The following SLC9C1 variants were observed in gnomAD, a reference collection of about 807,000 sequenced individuals.
The protein encoded by SLC9C1 is solute carrier family 9 member C1, also known as sodium/hydrogen exchanger 10.
SLC9C1 carries 97 observed loss-of-function variants against 140.9 expected under a neutral mutation model. The ratio of observed to expected loss-of-function variants is 0.69; its 90% CI spans 0.58 to 0.82. The LOEUF (loss-of-function observed/expected upper bound fraction) is 0.82, where lower values mean the gene tolerates loss of function less well. SLC9C1 is among the 40% of genes least tolerant of loss of function. The pLI, the probability that SLC9C1 is intolerant of heterozygous loss-of-function variation, is 0.00. For synonymous variants in SLC9C1, 440 were observed against 442.6 expected (o/e 0.99, Z 0.07); for missense variants, 1,340 against 1,389.3 (o/e 0.96, Z 0.56).
chr3:112,152,517 C>T (rs552118266), intron 27 of SLC9C1, among the ~76,000 whole-genome samples: 2 of 152,018 alleles, frequency 1.3e-5, no homozygotes, highest in South Asian at 4.2e-4. Flanking sequence ...AGATGCCTTC[C>T]TCTGATCTCA....
intron 23 of SLC9C1, among the ~76,000 whole-genome samples, chr3:112,174,504 G>A (rs2077300533): frequency 6.6e-6 from 1 of 152,160 alleles, no homozygotes; most frequent in South Asian, 2.1e-4. Flanking sequence ...GAGGGAGCGG[G>A]GGTGCAGTTG....
At chr3:112,228,382 A>G (rs1160150100) in intron 13 of SLC9C1, among the ~76,000 whole-genome samples, 1 of 152,116 alleles carries the variant, frequency 6.6e-6, no homozygotes, top group Non-Finnish European at 1.5e-5. Flanking sequence ...TCTCCTTTAT[A>G]TGAAAATAAA....
intron 27 of SLC9C1, among the ~76,000 whole-genome samples, 189 bp from the exon 28 acceptor site, chr3:112,152,152 G>A (rs565475607): frequency 2.6e-5 from 4 of 152,280 alleles, no homozygotes; most frequent in African/African-American, 7.2e-5. Flanking sequence ...GGGAAGACCC[G>A]CACCGGCACT....
chr3:112,280,593 G>T, intron 3 of SLC9C1, 90 bp downstream of exon 3: 1 of 1,026,740 alleles, frequency 9.7e-7, no homozygotes. Flanking sequence ...ACAGTGAGGG[G>T]ATGAATAACT....
At position 112,168,916 on chromosome 3, in the gene SLC9C1, A is replaced by C. The variant is rs1265165538; in HGVS notation, c.3198T>G (p.Thr1066=). 1 of 1,601,684 alleles carries C rather than the reference A, an allele frequency of 6.2e-7. No homozygotes were observed. The highest frequency in any genetic ancestry group is 1.8e-5 in the Admixed American group (1 of 56,756). Reference sequence around the variant, plus strand: ...TAGGAATTAAGAAAGGTGCTCTATAAGTTTTTCGTAACAGACAATCTTCTA... The same window carrying C: ...TAGGAATTAAGAAAGGTGCTCTATACGTTTTTCGTAACAGACAATCTTCTA... ...GAVEDCLLRK[T]YRAPFLIPIT... Residue 1066 remains threonine (T), a synonymous_variant, in exon 25 of 29, where the codon ACT becomes ACG. Transcript: ENST00000305815.
At chr3:112,150,012 G>T (rs1005201411) in intron 28 of SLC9C1, among the ~76,000 whole-genome samples, 3 of 152,182 alleles carry the variant, frequency 2.0e-5, no homozygotes, top group Non-Finnish European at 2.9e-5. Flanking sequence ...CTGGCTGCAA[G>T]TCTCACTACC....
chr3:112,278,267 C>T (rs974765078), intron 4 of SLC9C1, among the ~76,000 whole-genome samples: 1 of 152,156 alleles, frequency 6.6e-6, no homozygotes, highest in Non-Finnish European at 1.5e-5. Flanking sequence ...TTCCCTGATA[C>T]CGTTCAAATC....
chr3:112,151,598 G>A (rs2074982849), intron 28 of SLC9C1: 1 of 523,070 alleles, frequency 1.9e-6, no homozygotes, highest in African/African-American at 1.9e-5. Flanking sequence ...AGCCAGTGTT[G>A]CATGTGAGAT....
chr3:112,274,521 C>G (rs967894714), intron 6 of SLC9C1, among the ~76,000 whole-genome samples: 2 of 151,996 alleles, frequency 1.3e-5, no homozygotes, highest in Admixed American at 6.6e-5. Context: ...GATATAGTTC[C>G]AGGGCAAAGG....
intron 10 of SLC9C1, among the ~76,000 whole-genome samples, chr3:112,259,716 C>A (rs184534602): frequency 2.8e-4 from 43 of 152,214 alleles, no homozygotes; most frequent in African/African-American, 1.0e-3. Flanking sequence ...CACCAAACTT[C>A]CATGCCATGC....
chr3:112,214,648 G>T (rs1172448413), intron 15 of SLC9C1, among the ~76,000 whole-genome samples: 2 of 152,222 alleles, frequency 1.3e-5, no homozygotes, highest in South Asian at 4.2e-4. Flanking sequence ...ACCCTCCCAA[G>T]ACTAAACCAG....
intron 20 of SLC9C1, among the ~76,000 whole-genome samples, chr3:112,191,426 C>A (rs2077659431): frequency 6.6e-6 from 1 of 151,960 alleles, no homozygotes. Flanking sequence ...TGTCAAATGC[C>A]TTTTCTATAT....
rs2077400071 is a variant in SLC9C1 at position 112,179,553 on chromosome 3, G to T, written c.2897C>A (p.Ala966Asp). ...GACCTCCACTACAGTTTTGCAGGTG[G>T]CAGAATATTTCATAGGTTCATTAGT... is the stretch of plus-strand genomic sequence containing the variant. Reference protein sequence around the residue: ...CLTNEPMKYSATCKTVVETCF... With the variant: ...CLTNEPMKYSDTCKTVVETCF... The change falls in exon 23 of 29, where the codon GCC becomes GAC. Residue 966 changes from alanine to aspartate, a missense_variant. Transcript: ENST00000305815. 1 of 1,604,554 alleles carries T rather than the reference G, an allele frequency of 6.2e-7. No individual in the cohort carries two copies. The highest frequency in any genetic ancestry group is 1.7e-5 in the Admixed American group (1 of 58,340).
At chr3:112,178,077 A>G (rs900432625) in intron 23 of SLC9C1, among the ~76,000 whole-genome samples, 1 of 151,728 alleles carries the variant, frequency 6.6e-6, no homozygotes, top group Admixed American at 6.6e-5. Context: ...TTTGGTTATT[A>G]TATCTCTTAA....
intron 6 of SLC9C1, 58 bp from the exon 7 acceptor site, chr3:112,270,135 T>G: frequency 7.0e-7 from 1 of 1,419,218 alleles, no homozygotes; most frequent in South Asian, 1.7e-5. Context: ...TAATTTTAAT[T>G]GATATTCCTT....
At chr3:112,144,264 G>A (rs1413278793) in intron 28 of SLC9C1, among the ~76,000 whole-genome samples, 4 of 138,506 alleles carry the variant, frequency 2.9e-5, no homozygotes, top group African/African-American at 8.1e-5. Flanking sequence ...TGCAACCTCC[G>A]CCTCCTGGGT....
At chr3:112,193,487 T>C (rs1376306975) in intron 20 of SLC9C1, among the ~76,000 whole-genome samples, 1 of 152,156 alleles carries the variant, frequency 6.6e-6, no homozygotes, top group African/African-American at 2.4e-5. Flanking sequence ...GAGGCATGTC[T>C]GTGTTGAGAA....
chr3:112,149,356 T>G (rs2074893430), intron 28 of SLC9C1, among the ~76,000 whole-genome samples: 3 of 149,424 alleles, frequency 2.0e-5, no homozygotes. Flanking sequence ...AGAGAGAGAG[T>G]TCCCACACAC....
At chr3:112,242,840 AG>A (rs1166322798) in intron 11 of SLC9C1, among the ~76,000 whole-genome samples, 4 of 152,040 alleles carry the variant, frequency 2.6e-5, no homozygotes, top group African/African-American at 4.8e-5. Context: ...ACGAAAAAAA[AG>A]TCTTAATGGG....
Sources: gnomAD v4.1 joint callset for allele counts (sites outside exome capture counted in the v4.1 genomes callset) on GRCh38, gnomAD v4.1.1 for gene constraint, MANE v1.5 for transcripts, NCBI Gene and HGNC (gene_info 2026-07-23, HGNC 2026-07-21) for gene names.